Variants in PTCD3 observed in about 807,000 individuals in gnomAD.
PTCD3 encodes the protein small ribosomal subunit protein mS39.
PTCD3 carries 89 observed loss-of-function variants against 101.9 expected under a neutral mutation model. That is an observed-to-expected ratio of 0.87 (90% CI 0.74 to 1.04). The LOEUF (loss-of-function observed/expected upper bound fraction) is 1.04. Among genes scored for constraint, PTCD3 ranks in the 50% least tolerant of loss-of-function variants. The pLI is 0.00. For synonymous variants in PTCD3, 296 were observed against 278.5 expected, an observed-to-expected ratio of 1.06 and a Z score of -0.63; for missense variants, 870 against 828.2, an observed-to-expected ratio of 1.05 and a Z score of -0.62.
Position 86,136,578 on chromosome 2 carries a change from C to T in PTCD3, c.1820+16C>T, listed in dbSNP as rs749103091. 3 of 1,608,728 alleles carry T rather than the reference C, an allele frequency of 1.9e-6. No homozygotes were observed. The highest frequency in any genetic ancestry group is 2.6e-6 in the Non-Finnish European group (3 of 1,175,110). On this transcript the variant is annotated intron_variant, in intron 22 of 23. Coordinates refer to ENST00000254630, the MANE Select transcript of PTCD3 (RefSeq NM_017952.6). The stretch of plus-strand genomic sequence containing the variant: ...AGATTCCTAGGTAAGTTGAAATCAG[C>T]CAGCTCTCTTTGGGTACAGCCTGGA...
intron 22 of PTCD3, 24 bp downstream of exon 22, chr2:86,136,586 C>G (rs1282286738): frequency 1.9e-6 from 3 of 1,604,310 alleles, no homozygotes; most frequent in Non-Finnish European, 2.6e-6. Flanking sequence ...AGCCAGCTCT[C>G]TTTGGGTACA....
rs538461423 is a variant in PTCD3 at position 86,136,086 on chromosome 2, C to G, written c.1779-435C>G. On this transcript the variant is annotated intron_variant, in intron 21 of 23. Transcript: ENST00000254630. ...GGAAACAGCAGGTTCTGTTCTATGC[C>G]TCTTTTCCAGCTGTGCACAGGATGG... The G allele has an allele frequency of 9.6e-4, 491 of 511,538 alleles. 1 individual carries two copies. The highest frequency in any genetic ancestry group is 1.7e-3 in the Non-Finnish European group (428 of 257,820). The allele number at this position is 511,538 out of a possible 1,614,324, so 31.7% of individuals were successfully genotyped here. A position where few individuals can be genotyped will look rare whatever the true frequency, so the allele number is the denominator to read the frequency against.
At chr2:86,111,054 G>A in intron 3 of PTCD3, 59 bp from the exon 4 acceptor site, 2 of 1,463,934 alleles carry the variant, frequency 1.4e-6, no homozygotes, top group South Asian at 1.1e-5. Context: ...AGAATCACTT[G>A]TTCGGTTTGT....
At chr2:86,128,600 G>C (rs1674440625) in intron 14 of PTCD3, among the ~76,000 whole-genome samples, 1 of 152,094 alleles carries the variant, frequency 6.6e-6, no homozygotes, top group South Asian at 2.1e-4. Flanking sequence ...TTCCATCTTT[G>C]CCAAAAGTTT....
In PTCD3 at chr2:86,132,433, GT is replaced by G. The variant is rs1674510455; in HGVS notation, c.1373+11del. On this transcript the variant is annotated intron_variant, in intron 17 of 23. Coordinates refer to ENST00000254630, the MANE Select transcript of PTCD3 (RefSeq NM_017952.6). ...CATCGTAATTTCTATTAGTAAGTGT[GT>G]TGGAAACATATCCTTTTGCATGAGT... 3 of 1,546,546 alleles carry G rather than the reference GT, an allele frequency of 1.9e-6. No individual in the cohort carries two copies. The highest frequency in any genetic ancestry group is 2.7e-6 in the Non-Finnish European group (3 of 1,120,872).
chr2:86,117,266 G>A, intron 6 of PTCD3, 107 bp downstream of exon 6: 1 of 550,354 alleles, frequency 1.8e-6, no homozygotes, highest in South Asian at 3.1e-5. Context: ...CTCAATATTT[G>A]GATGATAAGC....
chr2:86,131,300 A>G lies in PTCD3; in HGVS notation c.1266+194A>G, dbSNP rs566411305. The stretch of plus-strand genomic sequence containing the variant: ...CACTGTGTCCCCCATGCTGGAGTGC[A>G]GTGGCTCACCGCAACCTCTGCCTCC... On this transcript the variant is annotated intron_variant, in intron 16 of 23. Coordinates refer to ENST00000254630, the MANE Select transcript of PTCD3 (RefSeq NM_017952.6). 1.1e-3 allele frequency among the ~76,000 whole-genome samples: 162 copies of G among 151,764 alleles called. 1 individual carries two copies. The highest frequency in any genetic ancestry group is 6.8e-3 in the Middle Eastern group (2 of 294).
At chr2:86,116,625 T>C in intron 5 of PTCD3, 27 bp downstream of exon 5, 3 of 1,537,868 alleles carry the variant, frequency 2.0e-6, no homozygotes, top group Non-Finnish European at 2.7e-6. Context: ...AATTTTCTAG[T>C]GTTTTATCTC....
intron 4 of PTCD3, among the ~76,000 whole-genome samples, chr2:86,114,039 G>A (rs1198679473): frequency 6.6e-6 from 1 of 151,710 alleles, no homozygotes; most frequent in Non-Finnish European, 1.5e-5. Flanking sequence ...ATGGCCCAGG[G>A]CCACTTTCAA....
At chr2:86,130,515 C>A in intron 14 of PTCD3, 133 bp from the exon 15 acceptor site, 2 of 1,364,016 alleles carry the variant, frequency 1.5e-6, no homozygotes, top group East Asian at 2.5e-5. Flanking sequence ...CAAGCATTGG[C>A]CTCCACCCAG....
At chr2:86,111,940 C>A (rs1177690048) in intron 4 of PTCD3, 1 of 151,838 alleles carries the variant, frequency 6.6e-6, no homozygotes, top group South Asian at 2.1e-4. Flanking sequence ...GACGGGGTTT[C>A]TCCATGTTGG....
intron 3 of PTCD3, among the ~76,000 whole-genome samples, chr2:86,110,515 G>T (rs528047367): frequency 4.7e-4 from 72 of 152,160 alleles, no homozygotes; most frequent in Non-Finnish European, 7.3e-4. Flanking sequence ...TTCCAGTGAA[G>T]CCTTTTCTAA....
intron 14 of PTCD3, among the ~76,000 whole-genome samples, chr2:86,128,825 TAGC>T (rs1674444744): frequency 6.6e-6 from 1 of 152,224 alleles, no homozygotes; most frequent in African/African-American, 2.4e-5. Context: ...ACCTGAGGAA[TAGC>T]AGCAGGGTGT....
At chr2:86,123,519 T>G (rs1674332125) in intron 8 of PTCD3, among the ~76,000 whole-genome samples, 182 bp from the exon 9 acceptor site, 2 of 152,182 alleles carry the variant, frequency 1.3e-5, no homozygotes, top group African/African-American at 4.8e-5. Flanking sequence ...TTCATCTGAT[T>G]TGCACTTAAG....
At chr2:86,127,377 A>G in intron 13 of PTCD3, 72 bp downstream of exon 13, 1 of 1,467,972 alleles carries the variant, frequency 6.8e-7, no homozygotes, top group Non-Finnish European at 9.2e-7. Context: ...TACATAAGCA[A>G]AGAGCTTTAA....
At chr2:86,135,755 T>C (rs895388356) in intron 21 of PTCD3, 1 of 356,606 alleles carries the variant, frequency 2.8e-6, no homozygotes, top group Non-Finnish European at 5.5e-6. Flanking sequence ...TGAAGGCTTG[T>C]CTTTGAGGTG....
chr2:86,125,035 G>T lies in PTCD3; in HGVS notation c.757G>T (p.Glu253Ter), dbSNP rs1177045921. Residue 253 changes from glutamate (E) to a stop codon, truncating the protein, a stop_gained, in exon 10 of 24, where the codon GAG (glutamate) becomes TAG (stop). Coordinates refer to ENST00000254630, the MANE Select transcript of PTCD3 (RefSeq NM_017952.6). LOFTEE classifies it high-confidence loss of function. Reference protein sequence around the residue: ...NAERIFSLMPEKNEHSYCTMI... With the variant: ...NAERIFSLMP ...TGAGAGAATCTTTTCTCTAATGCCA[G>T]AGAAAAATGAACATTCCTATTGCAC... 4 of 1,614,070 alleles carry T rather than the reference G, an allele frequency of 2.5e-6. No individual in the cohort carries two copies. The highest frequency in any genetic ancestry group is 3.3e-5 in the Admixed American group (2 of 60,034).
intron 14 of PTCD3, 49 bp from the exon 15 acceptor site, chr2:86,130,599 G>A (rs769224151): frequency 3.2e-6 from 5 of 1,585,132 alleles, no homozygotes; most frequent in Non-Finnish European, 3.4e-6. Context: ...AGTGAGTTTG[G>A]TGGTGGTAAA....
In PTCD3 at chr2:86,135,100, G is replaced by A. The variant is rs981138673; in HGVS notation, c.1778+113G>A. 1.1e-5 allele frequency: 14 copies of A among 1,291,618 alleles called. No individual in the cohort carries two copies. The Admixed American group carries it at 1.7e-4, about 16-fold the overall frequency. The allele number at this position is 1,291,618 out of a possible 1,614,324, so 80.0% of individuals were successfully genotyped here. ...TGGCCACATAACACGTATTTGATTC[G>A]GGAACTTGCAAATACCAACTAAAAA... On this transcript the variant is annotated intron_variant, in intron 21 of 23. Transcript: ENST00000254630.
Sources: gnomAD v4.1 joint callset for allele counts (sites outside exome capture counted in the v4.1 genomes callset) on GRCh38, gnomAD v4.1.1 for gene constraint, MANE v1.5 for transcripts, NCBI Gene and HGNC (gene_info 2026-07-23, HGNC 2026-07-21) for gene names.